Variants in SUPT3H observed in about 807,000 individuals in gnomAD.
SUPT3H encodes the protein SPT3 homolog, SAGA and STAGA complex component.
In SUPT3H, 44 loss-of-function variants were observed where a neutral mutation model predicts 44.3. The ratio of observed to expected loss-of-function variants is 0.99; its 90% CI spans 0.78 to 1.28. The LOEUF (loss-of-function observed/expected upper bound fraction) is 1.28, where lower values mean the gene tolerates loss of function less well. Among genes scored for constraint, SUPT3H ranks in the 50% most tolerant of loss-of-function variants. The probability of loss-of-function intolerance (pLI) is 0.00; values close to 1 mark genes in which losing one functional copy is unlikely to be tolerated. For missense variants in SUPT3H, 380 were observed against 387.1 expected (o/e 0.98, Z 0.15); for synonymous variants, 124 against 125.6 (o/e 0.99, Z 0.09).
At chr6:45,018,065 C>T (rs1455735772) in intron 4 of SUPT3H, among the ~76,000 whole-genome samples, 1 of 151,924 alleles carries the variant, frequency 6.6e-6, no homozygotes, top group East Asian at 1.9e-4. Flanking sequence ...CCTTCATGTC[C>T]CTTGTAAGTT....
Position 45,246,190 on chromosome 6 carries a change from T to C in SUPT3H, c.101+119011A>G, listed in dbSNP as rs564865755. 2.6e-5 allele frequency among the ~76,000 whole-genome samples: 4 copies of C among 152,264 alleles called. No homozygotes were observed. In the East Asian group the frequency reaches 7.7e-4, roughly 29 times the overall value. ...GGATATTAACCCCTTATCAGACATA[T>C]GATTTAGAAATATTTTCCCATTCTG... On this transcript the variant is annotated intron_variant, in intron 2 of 10. Coordinates refer to ENST00000371459, the MANE Select transcript of SUPT3H (RefSeq NM_003599.4).
chr6:44,912,832 T>C (rs376818020), intron 10 of SUPT3H, among the ~76,000 whole-genome samples: 1 of 152,242 alleles, frequency 6.6e-6, no homozygotes, highest in African/African-American at 2.4e-5. Flanking sequence ...TGGCTCTGAA[T>C]GTGGCAGTTA....
chr6:45,335,387 C>T (rs938623875), intron 2 of SUPT3H, among the ~76,000 whole-genome samples: 1 of 151,084 alleles, frequency 6.6e-6, no homozygotes, highest in African/African-American at 2.4e-5. Context: ...AACATGTCAA[C>T]CTACTGCTGT....
chr6:45,069,862 G>GA (rs34679719), intron 3 of SUPT3H, among the ~76,000 whole-genome samples: 22 of 150,024 alleles, frequency 1.5e-4, no homozygotes, highest in African/African-American at 3.9e-4. Flanking sequence ...TGACACAAAG[G>GA]AAAAAAAAAA....
At chr6:44,859,716 C>T (rs898708447) in intron 10 of SUPT3H, among the ~76,000 whole-genome samples, 2 of 152,144 alleles carry the variant, frequency 1.3e-5, no homozygotes, top group East Asian at 3.8e-4. Flanking sequence ...AAAATCATAA[C>T]ATTGAAACAT....
At chr6:45,180,703 A>C (rs1457797599) in intron 2 of SUPT3H, among the ~76,000 whole-genome samples, 2 of 152,168 alleles carry the variant, frequency 1.3e-5, no homozygotes, top group Non-Finnish European at 2.9e-5. Flanking sequence ...CTTACACCTT[A>C]TACAAAAATT....
chr6:45,087,986 C>A (rs1796685976), intron 3 of SUPT3H, among the ~76,000 whole-genome samples: 2 of 152,000 alleles, frequency 1.3e-5, no homozygotes, highest in South Asian at 2.1e-4. Context: ...TCAGTCAATG[C>A]TGTTTCTTAT....
At chr6:45,051,891 A>C (rs1201093107) in intron 3 of SUPT3H, among the ~76,000 whole-genome samples, 1 of 152,226 alleles carries the variant, frequency 6.6e-6, no homozygotes, top group African/African-American at 2.4e-5. Context: ...TGTAAACAAC[A>C]AGGTCTAGGG....
At chr6:45,173,471 C>T (rs888779669) in intron 2 of SUPT3H, among the ~76,000 whole-genome samples, 1 of 152,190 alleles carries the variant, frequency 6.6e-6, no homozygotes, top group Non-Finnish European at 1.5e-5. Flanking sequence ...CCTGCTTTAT[C>T]CATGGTCACA....
intron 2 of SUPT3H, among the ~76,000 whole-genome samples, chr6:45,239,114 A>C (rs1377391589): frequency 6.6e-6 from 1 of 152,206 alleles, no homozygotes; most frequent in Non-Finnish European, 1.5e-5. Context: ...ACTGCTTTTA[A>C]TATGCCTATT....
intron 2 of SUPT3H, among the ~76,000 whole-genome samples, chr6:45,312,871 T>TA (rs1239193563): frequency 1.3e-5 from 2 of 152,088 alleles, no homozygotes; most frequent in African/African-American, 4.8e-5. Flanking sequence ...TTCGCCAAGA[T>TA]AGACCATATG....
chr6:44,893,131 G>T (rs1351954860), intron 10 of SUPT3H, among the ~76,000 whole-genome samples: 1 of 151,970 alleles, frequency 6.6e-6, no homozygotes, highest in Non-Finnish European at 1.5e-5. Context: ...TGTGCCTAAA[G>T]GTTGCATATG....
rs1462121868 is a variant in SUPT3H, at chr6:45,062,649, G to T, written c.187-42017C>A. ...CAGGGCGAGGCATTGCCTCACCTGGGAAGCGCGAGGGGTCAGGAAGTTCCC... is the reference window on the plus strand; with the variant it reads ...CAGGGCGAGGCATTGCCTCACCTGGTAAGCGCGAGGGGTCAGGAAGTTCCC... On this transcript the variant is annotated intron_variant, in intron 3 of 10. Transcript: ENST00000371459. 2.0e-5 allele frequency among the ~76,000 whole-genome samples: 3 copies of T among 152,230 alleles called. No individual in the cohort carries two copies. The East Asian group carries it at 5.8e-4, about 29-fold the overall frequency.
chr6:45,169,366 G>A (rs1583980843), intron 2 of SUPT3H, among the ~76,000 whole-genome samples: 3 of 152,158 alleles, frequency 2.0e-5, no homozygotes, highest in South Asian at 4.2e-4. Flanking sequence ...TCTAAATTAT[G>A]AGGAATATTA....
chr6:45,012,550 TATC>T (rs1327843412), intron 5 of SUPT3H, among the ~76,000 whole-genome samples: 1 of 152,102 alleles, frequency 6.6e-6, no homozygotes, highest in African/African-American at 2.4e-5. Flanking sequence ...GAGACGCTAT[TATC>T]ATATCTTCCT....
intron 6 of SUPT3H, among the ~76,000 whole-genome samples, chr6:44,983,851 C>T (rs1779423668): frequency 6.6e-6 from 1 of 152,218 alleles, no homozygotes; most frequent in Non-Finnish European, 1.5e-5. Context: ...ATTCTGTGAA[C>T]TTTAGTGAGG....
intron 2 of SUPT3H, among the ~76,000 whole-genome samples, chr6:45,166,197 G>T (rs902664069): frequency 1.1e-4 from 16 of 152,146 alleles, no homozygotes; most frequent in Non-Finnish European, 2.4e-4. Flanking sequence ...AGAAGCTGAG[G>T]TGACAAGATG....
chr6:45,062,753 C>G (rs12154152), intron 3 of SUPT3H, among the ~76,000 whole-genome samples: 33,033 of 150,910 alleles, frequency 0.22, 4,392 homozygotes, highest in Non-Finnish European at 0.31. Context: ...CTTTTCACAC[C>G]GGCTTAAAAA....
intron 3 of SUPT3H, among the ~76,000 whole-genome samples, chr6:45,082,221 G>A (rs1387896765): frequency 6.6e-6 from 1 of 151,974 alleles, no homozygotes; most frequent in Non-Finnish European, 1.5e-5. Context: ...CATACAAAGA[G>A]TTGATATCAA....
Sources: allele counts gnomAD v4.1 joint callset (sites outside exome capture counted in the v4.1 genomes callset), GRCh38; gene constraint gnomAD v4.1.1; transcripts MANE v1.5; gene names NCBI Gene and HGNC (gene_info 2026-07-23, HGNC 2026-07-21).